HACL2: variants seen among roughly 807,000 people sequenced by gnomAD.
The protein encoded by HACL2 is 2-hydroxyacyl-CoA lyase 1 like.
chr19:15,119,188 C>T, the HACL2 span: 9 of 1,582,498 alleles, frequency 5.7e-6, no homozygotes, highest in Non-Finnish European at 7.7e-6. Flanking sequence ...TGACATCCGC[C>T]TTCTTCAGGG....
the HACL2 span, among the ~76,000 whole-genome samples, chr19:15,121,812 CAAA>C: frequency 0.026 from 2,204 of 84,842 alleles, 53 homozygotes; most frequent in African/African-American, 0.075. Flanking sequence ...GAATCTGTTT[CAAA>C]AAAAAAAAAA....
At chr19:15,116,641 G>T in the HACL2 span, 1 of 737,098 alleles carries the variant, frequency 1.4e-6, no homozygotes. Context: ...CGGGAAGCAG[G>T]CCAGGGGTGC....
chr19:15,117,761 A>C, the HACL2 span: 2 of 1,056,024 alleles, frequency 1.9e-6, no homozygotes, highest in Non-Finnish European at 2.8e-6. Context: ...TTGACTGGCT[A>C]CCCCTAGGGC....
chr19:15,119,161 C>A, the HACL2 span: 1 of 1,547,192 alleles, frequency 6.5e-7, no homozygotes. Flanking sequence ...GAGGCTCAGG[C>A]CCACCTGCTA....
the HACL2 span, chr19:15,115,545 A>G: frequency 6.8e-6 from 11 of 1,607,954 alleles, no homozygotes; most frequent in South Asian, 1.1e-5. Context: ...TGTCCTCCCA[A>G]CCTCGCTGAG....
the HACL2 span, chr19:15,120,020 G>A: frequency 6.4e-7 from 1 of 1,550,824 alleles, no homozygotes; most frequent in Non-Finnish European, 8.7e-7. Context: ...AGGGGCAGCG[G>A]TCCCTCGGGC....
the HACL2 span, chr19:15,115,564 AC>A: frequency 6.2e-7 from 1 of 1,611,284 alleles, no homozygotes; most frequent in African/African-American, 1.3e-5. Flanking sequence ...AGGCCCCCTC[AC>A]CAGTGTAGGC....
At chr19:15,122,840 G>C in the HACL2 span, 101 of 1,613,514 alleles carry the variant, frequency 6.3e-5, no homozygotes, top group Non-Finnish European at 7.9e-5. The surrounding 1 kb of genome is among the most constrained non-coding windows in gnomAD (Gnocchi z 4.0). Context: ...TCCATAACAT[G>C]TCCCCAGCCC....
At chr19:15,115,376 TCCCGTGAGAGCAGCAAGC>T in the HACL2 span, 21 of 1,614,066 alleles carry the variant, frequency 1.3e-5, no homozygotes, top group Non-Finnish European at 1.8e-5. Context: ...ATCCTCGTTC[TCCCGTGAGAGCAGCAAGC>T]CCCGGGCCCC....
chr19:15,120,563 G>A, the HACL2 span, among the ~76,000 whole-genome samples: 1 of 152,210 alleles, frequency 6.6e-6, no homozygotes, highest in Non-Finnish European at 1.5e-5. Context: ...GGGTCTTCTC[G>A]GTCTCCTTGC....
the HACL2 span, chr19:15,115,764 G>A: frequency 4.6e-5 from 73 of 1,571,908 alleles, no homozygotes; most frequent in African/African-American, 5.7e-4. Flanking sequence ...CTGCCAGAGA[G>A]GAGGCTCCCT....
the HACL2 span, chr19:15,115,916 C>G: frequency 4.5e-5 from 72 of 1,614,040 alleles, 1 homozygote; most frequent in South Asian, 7.6e-4. Context: ...CAAACAGGCA[C>G]CAGACCTAGT....
the HACL2 span, among the ~76,000 whole-genome samples, chr19:15,120,943 A>G: frequency 6.6e-6 from 1 of 152,292 alleles, no homozygotes; most frequent in Admixed American, 6.5e-5. Context: ...AAACAAAACA[A>G]AACAAAAAAG....
chr19:15,120,197 C>G, the HACL2 span: 1 of 645,030 alleles, frequency 1.6e-6, no homozygotes, highest in Non-Finnish European at 2.7e-6. Context: ...GGCATGGGGA[C>G]AGGGTGGATG....
the HACL2 span, among the ~76,000 whole-genome samples, chr19:15,120,462 A>G: frequency 6.6e-6 from 1 of 151,848 alleles, no homozygotes; most frequent in Non-Finnish European, 1.5e-5. Context: ...GTAAATATGA[A>G]CCTCCCTCCC....
chr19:15,125,120 C>T, the HACL2 span: 1 of 1,451,824 alleles, frequency 6.9e-7, no homozygotes, highest in South Asian at 1.4e-5. Context: ...GGAACCTCTC[C>T]GGAAGAAATC....
At chr19:15,115,232 G>C in the HACL2 span, 1 of 1,613,850 alleles carries the variant, frequency 6.2e-7, no homozygotes, top group South Asian at 1.1e-5. Flanking sequence ...AGGCAGCCAA[G>C]CGTCCTGACC....
the HACL2 span, among the ~76,000 whole-genome samples, chr19:15,120,668 G>A: frequency 9.9e-5 from 15 of 152,180 alleles, no homozygotes; most frequent in Admixed American, 3.3e-4. Flanking sequence ...CTCAGGGGGC[G>A]CTCTATCCAG....
At chr19:15,120,375 G>T in the HACL2 span, among the ~76,000 whole-genome samples, 1 of 152,212 alleles carries the variant, frequency 6.6e-6, no homozygotes, top group Admixed American at 6.5e-5. Context: ...GTGAGCTCAA[G>T]TCCTGGCTCT....
Sources: allele counts gnomAD v4.1 joint callset (sites outside exome capture counted in the v4.1 genomes callset), GRCh38; gene constraint gnomAD v4.1.1; non-coding constraint Gnocchi (gnomAD v3.1); transcripts MANE v1.5; gene names NCBI Gene and HGNC (gene_info 2026-07-23, HGNC 2026-07-21).